Variants in COL25A1 observed in about 807,000 individuals in gnomAD.
COL25A1 encodes the protein collagen type XXV alpha 1 chain, also known as collagen alpha-1(XXV) chain.
A neutral mutation model predicts 128.4 loss-of-function variants in COL25A1; 103 were observed. The observed-to-expected ratio is 0.80, with a 90% CI of 0.68 to 0.94. The LOEUF is 0.94. Among genes scored for constraint, COL25A1 ranks in the 40% least tolerant of loss-of-function variants. The pLI, the probability that COL25A1 is intolerant of heterozygous loss-of-function variation, is 0.00. For missense variants in COL25A1, 745 were observed against 840.0 expected, an observed-to-expected ratio of 0.89 and a Z score of 1.40; for synonymous variants, 279 against 277.2, an observed-to-expected ratio of 1.01 and a Z score of -0.06.
intron 3 of COL25A1, among the ~76,000 whole-genome samples, chr4:109,096,891 T>A (rs888177721): frequency 1.3e-5 from 2 of 152,202 alleles, no homozygotes; most frequent in African/African-American, 4.8e-5. Context: ...TTAATTGGCT[T>A]TAATTCATGA....
chr4:109,121,326 A>G (rs1275996996), intron 3 of COL25A1, among the ~76,000 whole-genome samples: 10 of 152,154 alleles, frequency 6.6e-5, no homozygotes, highest in South Asian at 2.1e-4. Flanking sequence ...GTGAAAAACA[A>G]TGTAAAGAGA....
chr4:109,286,650 A>T (rs1723919399), intron 3 of COL25A1, among the ~76,000 whole-genome samples: 1 of 152,198 alleles, frequency 6.6e-6, no homozygotes, highest in Admixed American at 6.5e-5. Context: ...CAAGGAGTGC[A>T]ACTGGCATCT....
chr4:109,006,378 A>ATTTTTTTTTTTTTTTTTTTTTTTTTTTT (rs56845799), intron 6 of COL25A1, among the ~76,000 whole-genome samples: 3 of 51,874 alleles, frequency 5.8e-5, no homozygotes, highest in African/African-American at 1.6e-4. Context: ...CACCCAGCTA[A>ATTTTTTTTTTTTTTTTTTTTTTTTTTTT]TTTTTTTTTT....
At chr4:109,190,863 T>C (rs1268785738) in intron 3 of COL25A1, among the ~76,000 whole-genome samples, 3 of 152,150 alleles carry the variant, frequency 2.0e-5, no homozygotes, top group Non-Finnish European at 2.9e-5. Flanking sequence ...AAAACTGACA[T>C]TCAGAAGTAC....
chr4:108,994,670 C>CCCTGACCCCCGTGTA (rs1754573693), intron 6 of COL25A1, among the ~76,000 whole-genome samples: 1 of 152,188 alleles, frequency 6.6e-6, no homozygotes, highest in South Asian at 2.1e-4. Flanking sequence ...TCAAGCGGGT[C>CCCTGACCCCCGTGTA]CCTGACCCCC....
At chr4:109,264,602 C>T (rs776933878) in intron 3 of COL25A1, among the ~76,000 whole-genome samples, 3 of 152,146 alleles carry the variant, frequency 2.0e-5, no homozygotes, top group Admixed American at 6.5e-5. Context: ...CTGGTGTGAA[C>T]GATGAGCATC....
intron 3 of COL25A1, among the ~76,000 whole-genome samples, chr4:109,062,158 G>A (rs967914051): frequency 6.6e-6 from 1 of 152,178 alleles, no homozygotes; most frequent in South Asian, 2.1e-4. Flanking sequence ...TTGGACGAGT[G>A]TCAGAGGCCT....
At chr4:109,287,595 A>T (rs1724013750) in intron 3 of COL25A1, among the ~76,000 whole-genome samples, 2 of 152,176 alleles carry the variant, frequency 1.3e-5, no homozygotes, top group Admixed American at 1.3e-4. Context: ...AAATGAAGAT[A>T]AATATTTCCC....
chr4:109,114,945 C>A (rs1321759975), intron 3 of COL25A1, among the ~76,000 whole-genome samples: 1 of 151,940 alleles, frequency 6.6e-6, no homozygotes. Flanking sequence ...TTTGTTCAAG[C>A]AAAATCAAAC....
chr4:109,095,924 G>T (rs932507762), intron 3 of COL25A1, among the ~76,000 whole-genome samples: 2 of 152,154 alleles, frequency 1.3e-5, no homozygotes, highest in African/African-American at 4.8e-5. Flanking sequence ...TTTACCAAGA[G>T]TAGAAATTTG....
At chr4:108,964,781 C>G (rs972451822) in intron 8 of COL25A1, among the ~76,000 whole-genome samples, 1 of 152,154 alleles carries the variant, frequency 6.6e-6, no homozygotes, top group South Asian at 2.1e-4. Flanking sequence ...TGACACAGAA[C>G]ACTCTAAAGA....
At chr4:109,136,498 C>A (rs1163764216) in intron 3 of COL25A1, among the ~76,000 whole-genome samples, 2 of 152,194 alleles carry the variant, frequency 1.3e-5, no homozygotes, top group Non-Finnish European at 2.9e-5. Context: ...AGGGATTAGT[C>A]AGGAAATGCA....
At chr4:108,853,012 T>A (rs1480968254) in intron 24 of COL25A1, 87 bp from the exon 25 acceptor site, 1 of 1,196,006 alleles carries the variant, frequency 8.4e-7, no homozygotes, top group African/African-American at 1.5e-5. Flanking sequence ...ATCAACTTTT[T>A]GAATATGTTT....
intron 8 of COL25A1, among the ~76,000 whole-genome samples, chr4:108,952,831 C>CT (rs59761040): frequency 0.28 from 19,142 of 67,348 alleles, 2,046 homozygotes; most frequent in South Asian, 0.49. Context: ...AAAAACTCAA[C>CT]TTTTTTTTTT....
intron 8 of COL25A1, among the ~76,000 whole-genome samples, chr4:108,971,974 G>T (rs779075213): frequency 4.6e-5 from 7 of 152,122 alleles, no homozygotes; most frequent in Non-Finnish European, 8.8e-5. Flanking sequence ...CTTAAAAATA[G>T]TCTCACATTC....
intron 5 of COL25A1, among the ~76,000 whole-genome samples, chr4:109,042,387 C>A (rs540609733): frequency 2.0e-5 from 3 of 152,100 alleles, no homozygotes; most frequent in Non-Finnish European, 4.4e-5. Context: ...AAATGAACAA[C>A]CTGAGTTGTT....
At chr4:108,861,941 C>G (rs1429363789) in intron 22 of COL25A1, among the ~76,000 whole-genome samples, 2 of 152,092 alleles carry the variant, frequency 1.3e-5, no homozygotes, top group African/African-American at 4.8e-5. Context: ...ATGAATGAAG[C>G]ATTAATAATC....
At chr4:109,301,608 G>GCA in intron 2 of COL25A1, 115 bp downstream of exon 2, 1 of 1,176,746 alleles carries the variant, frequency 8.5e-7, no homozygotes, top group East Asian at 2.4e-5. Flanking sequence ...GCACGCGCGC[G>GCA]CACACACACA....
At chr4:108,938,267 CATT>C (rs1342305613) in intron 10 of COL25A1, among the ~76,000 whole-genome samples, 1 of 152,096 alleles carries the variant, frequency 6.6e-6, no homozygotes, top group African/African-American at 2.4e-5. Context: ...TATATCATGA[CATT>C]ATCATTTTCT....
Sources: allele counts gnomAD v4.1 joint callset (sites outside exome capture counted in the v4.1 genomes callset), GRCh38; gene constraint gnomAD v4.1.1; transcripts MANE v1.5; gene names NCBI Gene and HGNC (gene_info 2026-07-23, HGNC 2026-07-21).